The following ARHGAP12 variants were observed in gnomAD, a reference collection of about 807,000 sequenced individuals.
ARHGAP12 encodes the protein Rho GTPase activating protein 12, also known as rho GTPase-activating protein 12.
ARHGAP12 carries 64 observed loss-of-function variants against 108.6 expected under a neutral mutation model. The observed-to-expected ratio is 0.59, with a 90% CI of 0.48 to 0.73. The LOEUF is 0.73. Among genes scored for constraint, ARHGAP12 ranks in the 30% least tolerant of loss-of-function variants. The probability of loss-of-function intolerance (pLI) is 0.00; values close to 1 mark genes in which losing one functional copy is unlikely to be tolerated. For missense variants in ARHGAP12, 940 were observed against 1,005.9 expected (o/e 0.93, Z 0.89); for synonymous variants, 312 against 337.2 (o/e 0.93, Z 0.82).
chr10:31,859,152 T>C (rs944933520), intron 4 of ARHGAP12, among the ~76,000 whole-genome samples: 1 of 151,868 alleles, frequency 6.6e-6, no homozygotes. Flanking sequence ...TGGGGGACAA[T>C]AGACACAATA....
At chr10:31,831,186 T>C (rs923469558) in intron 10 of ARHGAP12, among the ~76,000 whole-genome samples, 5 of 152,148 alleles carry the variant, frequency 3.3e-5, no homozygotes, top group Admixed American at 6.5e-5. Flanking sequence ...ATAAACTATA[T>C]AGTACAGCCA....
At chr10:31,828,361 ATAT>A (rs1412774543) in intron 10 of ARHGAP12, among the ~76,000 whole-genome samples, 7 of 151,782 alleles carry the variant, frequency 4.6e-5, no homozygotes, top group African/African-American at 1.7e-4. Flanking sequence ...ACTGATATTG[ATAT>A]TATAGATGGT....
Position 31,908,679 on chromosome 10 carries a change from G to A in ARHGAP12, c.177C>T (p.Ser59=). ...ACTGGGCTGGCACATAAAACGCTTT[G>A]GAGTTTTCATCTGGCTTGACTTGCC... ...DWWQVKPDEN[S]KAFYVPAQYV... is the part of the protein sequence containing the mutation. Residue 59 remains serine (S), a synonymous_variant, in exon 3 of 20, where the codon TCC becomes TCT. Coordinates refer to ENST00000344936, the MANE Select transcript of ARHGAP12 (RefSeq NM_018287.7). 1 of 1,614,036 alleles carries A rather than the reference G, an allele frequency of 6.2e-7. No homozygotes were observed. Among genetic ancestry groups the A allele is most frequent in the East Asian group, 2.2e-5 (1 of 44,872 alleles).
chr10:31,854,949 T>C (rs927971666), intron 4 of ARHGAP12, among the ~76,000 whole-genome samples: 1 of 144,264 alleles, frequency 6.9e-6, no homozygotes, highest in East Asian at 2.0e-4. Flanking sequence ...GGCAACATAG[T>C]GAGACCTCAT....
At chr10:31,880,426 C>T (rs1414196618) in intron 3 of ARHGAP12, among the ~76,000 whole-genome samples, 3 of 151,958 alleles carry the variant, frequency 2.0e-5, no homozygotes, top group Non-Finnish European at 4.4e-5. Context: ...CTAGACAACA[C>T]AGTGAAACCC....
chr10:31,845,229 T>G (rs1393747068), intron 6 of ARHGAP12, among the ~76,000 whole-genome samples: 1 of 152,234 alleles, frequency 6.6e-6, no homozygotes, highest in Non-Finnish European at 1.5e-5. Context: ...CCAGCAACTT[T>G]GCTGAACTCT....
At chr10:31,875,509 AG>A (rs1837696534) in intron 3 of ARHGAP12, among the ~76,000 whole-genome samples, 1 of 152,186 alleles carries the variant, frequency 6.6e-6, no homozygotes, top group Non-Finnish European at 1.5e-5. Flanking sequence ...AGGATTGGGT[AG>A]GGTAGGGAAG....
chr10:31,926,326 G>A (rs1389118156), intron 1 of ARHGAP12, among the ~76,000 whole-genome samples: 1 of 134,736 alleles, frequency 7.4e-6, no homozygotes, highest in African/African-American at 2.7e-5. Flanking sequence ...GCCGGGGCCA[G>A]CTAACTGAAG....
chr10:31,917,947 A>AAAT lies in ARHGAP12; in HGVS notation c.-110-7387_-110-7385dup, dbSNP rs1839630806. Among the ~76,000 whole-genome samples, 5 of 150,500 alleles carry AAAT rather than the reference A, an allele frequency of 3.3e-5. No homozygotes were observed. The South Asian group carries it at 1.1e-3, about 32-fold the overall frequency. On this transcript the variant is annotated intron_variant, in intron 1 of 19. Transcript: ENST00000344936. ...TTTATGGTGGGTTTATTGGAATATC[A>AAAT]AATACCTTTTTTTTTTTTCTTTTGA...
chr10:31,926,745 T>C lies in ARHGAP12; in HGVS notation c.-111+1938A>G, dbSNP rs185670288. 4.5e-3 allele frequency among the ~76,000 whole-genome samples: 682 copies of C among 152,276 alleles called. 10 individuals are homozygous for C. Among genetic ancestry groups the C allele is most frequent in the Middle Eastern group, 3.4e-3 (1 of 294 alleles). On this transcript the variant is annotated intron_variant, in intron 1 of 19. Transcript: ENST00000344936. The stretch of plus-strand genomic sequence containing the variant: ...TTCTATCAGCCTACTAAAAAACCAC[T>C]GAGCAGATTCTTTCTAATTAAAGAA...
intron 6 of ARHGAP12, among the ~76,000 whole-genome samples, chr10:31,847,889 G>C (rs1190016733): frequency 6.6e-6 from 1 of 152,172 alleles, no homozygotes; most frequent in African/African-American, 2.4e-5. Flanking sequence ...ACCTGGAACA[G>C]AGTAGGTATA....
chr10:31,857,965 AG>A (rs1381624524), intron 4 of ARHGAP12, among the ~76,000 whole-genome samples: 1 of 152,234 alleles, frequency 6.6e-6, no homozygotes, highest in Non-Finnish European at 1.5e-5. Context: ...GCACTTCAGG[AG>A]GCCAAGGTGG....
intron 3 of ARHGAP12, among the ~76,000 whole-genome samples, chr10:31,868,063 G>A (rs1471212531): frequency 6.6e-6 from 1 of 152,004 alleles, no homozygotes; most frequent in African/African-American, 2.4e-5. Flanking sequence ...AGCTGGGCGT[G>A]GTGGTGCACA....
intron 3 of ARHGAP12, among the ~76,000 whole-genome samples, chr10:31,877,069 T>G (rs920393983): frequency 9.9e-5 from 15 of 152,144 alleles, no homozygotes; most frequent in African/African-American, 3.6e-4. Context: ...CATCTCAATA[T>G]CCCAAGGAGA....
chr10:31,889,348 A>G (rs1461354265), intron 3 of ARHGAP12, among the ~76,000 whole-genome samples: 3 of 152,244 alleles, frequency 2.0e-5, no homozygotes, highest in African/African-American at 7.2e-5. Context: ...CTTTGATTAA[A>G]TAATGCTCTG....
intron 3 of ARHGAP12, among the ~76,000 whole-genome samples, chr10:31,887,514 C>A (rs1470925722): frequency 1.3e-5 from 2 of 152,146 alleles, no homozygotes; most frequent in African/African-American, 4.8e-5. Context: ...AGGTTATTTA[C>A]TACATTATCT....
chr10:31,818,208 G>C (rs1301478079), intron 12 of ARHGAP12, among the ~76,000 whole-genome samples: 2 of 152,154 alleles, frequency 1.3e-5, no homozygotes, highest in African/African-American at 4.8e-5. Context: ...ATCTGTTCAA[G>C]TATCAAAGTG....
At chr10:31,811,352 T>C (rs1427693082) in intron 15 of ARHGAP12, among the ~76,000 whole-genome samples, 1 of 152,222 alleles carries the variant, frequency 6.6e-6, no homozygotes, top group Non-Finnish European at 1.5e-5. Flanking sequence ...TTTCACAAAA[T>C]ACATTTCAAA....
intron 1 of ARHGAP12, among the ~76,000 whole-genome samples, chr10:31,926,392 T>A (rs899665305): frequency 6.6e-6 from 1 of 150,590 alleles, no homozygotes; most frequent in South Asian, 2.1e-4. Context: ...AAAGAGGTAA[T>A]CTGAAAAGCC....
Sources: gnomAD v4.1 joint callset for allele counts (sites outside exome capture counted in the v4.1 genomes callset) on GRCh38, gnomAD v4.1.1 for gene constraint, MANE v1.5 for transcripts, NCBI Gene and HGNC (gene_info 2026-07-23, HGNC 2026-07-21) for gene names.